Variants in TANGO6 observed in about 807,000 individuals in gnomAD.
TANGO6 encodes the protein transport and golgi organization 6 homolog.
TANGO6 carries 90 observed loss-of-function variants against 114.2 expected under a neutral mutation model. The observed-to-expected ratio is 0.79, with a 90% confidence interval of 0.66 to 0.94. The LOEUF (loss-of-function observed/expected upper bound fraction) is 0.94, where lower values mean the gene tolerates loss of function less well. TANGO6 is among the 40% of genes least tolerant of loss of function. TANGO6 has a pLI of 0.00. For missense variants in TANGO6, 1,274 were observed against 1,315.3 expected, an observed-to-expected ratio of 0.97 and a Z score of 0.49; for synonymous variants, 477 against 509.8, an observed-to-expected ratio of 0.94 and a Z score of 0.87.
chr16:69,018,174 C>T (rs1210457697), intron 15 of TANGO6, among the ~76,000 whole-genome samples: 1 of 111,446 alleles, frequency 9.0e-6, no homozygotes, highest in Non-Finnish European at 1.7e-5. Flanking sequence ...GACAGAGTCT[C>T]TCTCTGTCGC....
chr16:68,980,407 CTCTATATATA>C (rs1397020744), intron 15 of TANGO6, among the ~76,000 whole-genome samples: 4 of 67,624 alleles, frequency 5.9e-5, no homozygotes, highest in African/African-American at 2.6e-4. Context: ...CTCTCTCTCT[CTCTATATATA>C]TATATATATA....
chr16:68,950,249 A>G (rs921791534), intron 14 of TANGO6, among the ~76,000 whole-genome samples: 7 of 152,310 alleles, frequency 4.6e-5, no homozygotes, highest in Admixed American at 2.6e-4. Flanking sequence ...TAAATATACC[A>G]AAACTAACTG....
chr16:68,995,302 A>G (rs1477361646), intron 15 of TANGO6, among the ~76,000 whole-genome samples: 1 of 152,228 alleles, frequency 6.6e-6, no homozygotes, highest in African/African-American at 2.4e-5. Context: ...CAGCAGATCA[A>G]CAATTAGCCT....
At chr16:68,868,918 C>G (rs1404556044) in intron 4 of TANGO6, among the ~76,000 whole-genome samples, 1 of 152,164 alleles carries the variant, frequency 6.6e-6, no homozygotes. Flanking sequence ...ATCATTCCCC[C>G]AAGTACATTT....
intron 4 of TANGO6, 190 bp downstream of exon 4, chr16:68,867,410 C>T: frequency 1.6e-6 from 1 of 627,854 alleles, no homozygotes; most frequent in Non-Finnish European, 2.7e-6. Flanking sequence ...AATTCTCTTG[C>T]TCTTTTCCTA....
chr16:68,948,563 G>A (rs986801822), intron 14 of TANGO6, among the ~76,000 whole-genome samples: 28 of 152,178 alleles, frequency 1.8e-4, no homozygotes, highest in Non-Finnish European at 3.2e-4. Flanking sequence ...TTCCCAAGAT[G>A]CAAGGGCTGA....
At chr16:68,853,774 A>G (rs1215184859) in intron 1 of TANGO6, among the ~76,000 whole-genome samples, 1 of 152,204 alleles carries the variant, frequency 6.6e-6, no homozygotes, top group Non-Finnish European at 1.5e-5. Flanking sequence ...TGAGAGTTCC[A>G]GTTGCTTCAC....
chr16:68,900,440 G>T lies in TANGO6; in HGVS notation c.1384G>T (p.Val462Leu), dbSNP rs767643950. The stretch of plus-strand genomic sequence containing the variant: ...ACCATTTCCTTTTTTCTAGGTGTAC[G>T]TGGTTGGGAATGAACCTTTAACAGT... ...RCIEDVFKVY[V>L]VGNEPLTVLM... The change falls in exon 8 of 18, where the codon GTG (valine) becomes TTG (leucine). Residue 462 changes from valine to leucine, a missense_variant. Val to Leu is a conservative substitution (Grantham distance 32, BLOSUM62 1). Around this residue, in one of 5 missense-constraint regions of TANGO6, gnomAD observed 908 missense variants for 910.2 expected, o/e 1.00. Coordinates refer to ENST00000261778, the MANE Select transcript of TANGO6 (RefSeq NM_024562.2). The T allele has an allele frequency of 3.1e-6, 5 of 1,613,604 alleles. No homozygotes were observed. The highest frequency in any genetic ancestry group is 4.2e-6 in the Non-Finnish European group (5 of 1,179,768).
At chr16:69,027,498 T>C (rs1959522107) in intron 16 of TANGO6, among the ~76,000 whole-genome samples, 1 of 152,124 alleles carries the variant, frequency 6.6e-6, no homozygotes, top group Non-Finnish European at 1.5e-5. Flanking sequence ...AGTGTTCTAA[T>C]ATATGTGAAC....
chr16:68,898,427 G>A (rs761665686), intron 7 of TANGO6, among the ~76,000 whole-genome samples: 3 of 152,092 alleles, frequency 2.0e-5, no homozygotes, highest in South Asian at 2.1e-4. Context: ...CATGAACAAC[G>A]TTGATTCCTA....
chr16:69,045,310 G>C (rs1959837611), intron 17 of TANGO6, among the ~76,000 whole-genome samples: 1 of 149,420 alleles, frequency 6.7e-6, no homozygotes, highest in African/African-American at 2.5e-5. Context: ...CGGGTGTGGT[G>C]GCGGGTGCCT....
intron 1 of TANGO6, among the ~76,000 whole-genome samples, chr16:68,845,155 A>G (rs1358123278): frequency 6.6e-6 from 1 of 152,036 alleles, no homozygotes; most frequent in East Asian, 1.9e-4. Flanking sequence ...TTTAGTAGAG[A>G]CGGAGTTTTG....
chr16:68,927,684 C>T lies in TANGO6; in HGVS notation c.2244C>T (p.Ile748=), dbSNP rs370068326. The change falls in exon 13 of 18, where the codon ATC becomes ATT. Residue 748 remains isoleucine (I), a synonymous_variant. Transcript: ENST00000261778. Reference sequence around the variant, plus strand: ...TCGCTGTTGATCTCCGCATCACCATCTCTACCCATGGAGCCTTTGCCACTG... The same window carrying T: ...TCGCTGTTGATCTCCGCATCACCATTTCTACCCATGGAGCCTTTGCCACTG... ...QELAVDLRIT[I]STHGAFATEA... 1.9e-6 allele frequency: 3 copies of T among 1,614,014 alleles called. No homozygotes were observed. Among genetic ancestry groups the T allele is most frequent in the Non-Finnish European group, 2.5e-6 (3 of 1,179,894 alleles).
intron 14 of TANGO6, among the ~76,000 whole-genome samples, chr16:68,973,318 G>A (rs1263808061): frequency 6.6e-6 from 1 of 151,844 alleles, no homozygotes; most frequent in African/African-American, 2.4e-5. Flanking sequence ...TCTTTTTCCT[G>A]TTCTCTGCTA....
intron 14 of TANGO6, among the ~76,000 whole-genome samples, chr16:68,959,435 A>T (rs1963567220): frequency 6.6e-6 from 1 of 151,932 alleles, no homozygotes; most frequent in Admixed American, 6.6e-5. Flanking sequence ...AAAAATATAA[A>T]AGTTAGCTGG....
At position 68,908,156 on chromosome 16, in the gene TANGO6, G is replaced by C. The variant is rs76487312; in HGVS notation, c.1800+581G>C. 7.1e-3 allele frequency among the ~76,000 whole-genome samples: 1,080 copies of C among 152,198 alleles called. 17 individuals carry two copies. The highest frequency in any genetic ancestry group is 0.025 in the African/African-American group (1,033 of 41,524). ...TCATAAGCCAGTGACCTCCAGCTCT[G>C]CTTTCTCAACTTCTTCCCCTAAGTA... is the stretch of plus-strand genomic sequence containing the variant. On this transcript the variant is annotated intron_variant, in intron 10 of 17. Transcript: ENST00000261778.
chr16:69,027,566 T>C (rs1373426875), intron 16 of TANGO6, among the ~76,000 whole-genome samples: 1 of 152,172 alleles, frequency 6.6e-6, no homozygotes. Flanking sequence ...TCTTTAGTAT[T>C]ATTAAATTGT....
chr16:69,052,544 G>A (rs1959968949), intron 17 of TANGO6, among the ~76,000 whole-genome samples: 1 of 152,054 alleles, frequency 6.6e-6, no homozygotes, highest in Non-Finnish European at 1.5e-5. Context: ...AGGATTACAG[G>A]TGTGAGCCAC....
At chr16:68,891,292 CAAAA>C (rs534661540) in intron 7 of TANGO6, among the ~76,000 whole-genome samples, 3 of 84,906 alleles carry the variant, frequency 3.5e-5, no homozygotes, top group African/African-American at 4.0e-5. Flanking sequence ...AACTCCATCT[CAAAA>C]AAAAAAAAAA....
Sources: allele counts gnomAD v4.1 joint callset (sites outside exome capture counted in the v4.1 genomes callset), GRCh38; gene constraint gnomAD v4.1.1; regional missense constraint gnomAD v4.1.1; transcripts MANE v1.5; gene names NCBI Gene and HGNC (gene_info 2026-07-23, HGNC 2026-07-21).